The following RTTN variants were observed in gnomAD, a reference collection of about 807,000 sequenced individuals.
RTTN encodes the protein rotatin.
In RTTN, 182 loss-of-function variants were observed where a neutral mutation model predicts 269.2. The ratio of observed to expected loss-of-function variants is 0.68; its 90% CI spans 0.60 to 0.76. The LOEUF is 0.76. RTTN is among the 30% of genes least tolerant of loss of function. RTTN has a pLI of 0.00. For missense variants in RTTN, 2,545 were observed against 2,608.6 expected (o/e 0.98, Z 0.53); for synonymous variants, 1,006 against 963.5 (o/e 1.04, Z -0.82).
chr18:70,196,358 T>C (rs2061806380), intron 7 of RTTN, 143 bp downstream of exon 7: 2 of 605,304 alleles, frequency 3.3e-6, no homozygotes, highest in Non-Finnish European at 5.4e-6. Flanking sequence ...TCTGTAAAGA[T>C]AATCATTTGA....
chr18:70,168,786 G>T, intron 12 of RTTN, 69 bp downstream of exon 12: 1 of 1,187,204 alleles, frequency 8.4e-7, no homozygotes, highest in African/African-American at 1.5e-5. Flanking sequence ...CCATCAATTT[G>T]AAAAGTATAG....
chr18:70,141,078 C>T (rs1057301185), intron 19 of RTTN, among the ~76,000 whole-genome samples: 2 of 152,150 alleles, frequency 1.3e-5, no homozygotes, highest in Non-Finnish European at 2.9e-5. Context: ...TACTCTTTAA[C>T]GAGTTTTTCT....
intron 38 of RTTN, chr18:70,053,174 A>G (rs1206348042): frequency 3.3e-5 from 5 of 152,234 alleles, no homozygotes; most frequent in African/African-American, 1.2e-4. Flanking sequence ...CTCAACGTCA[A>G]TGCTTCTCAA....
chr18:70,035,728 G>T (rs2057152383), intron 40 of RTTN, among the ~76,000 whole-genome samples: 1 of 152,128 alleles, frequency 6.6e-6, no homozygotes, highest in African/African-American at 2.4e-5. Context: ...TTAAACTAAA[G>T]CGTGTCTGCA....
chr18:70,195,881 G>C (rs910785060), intron 7 of RTTN, among the ~76,000 whole-genome samples: 1 of 152,172 alleles, frequency 6.6e-6, no homozygotes, highest in African/African-American at 2.4e-5. Context: ...CACAGGATCA[G>C]TGAAACTCCC....
chr18:70,174,146 TTAAA>T (rs1568511513), intron 11 of RTTN, among the ~76,000 whole-genome samples: 2 of 48,490 alleles, frequency 4.1e-5, no homozygotes, highest in African/African-American at 7.6e-5. Context: ...ATATGAAAGT[TTAAA>T]AAAAAAAAAA....
At chr18:70,054,906 C>T (rs749943538) in intron 37 of RTTN, among the ~76,000 whole-genome samples, 6 of 151,862 alleles carry the variant, frequency 4.0e-5, no homozygotes, top group Non-Finnish European at 8.8e-5. Context: ...ATAACAAAGC[C>T]ATAAAGTCTA....
chr18:70,193,248 C>A, intron 8 of RTTN, 40 bp downstream of exon 8: 3 of 1,538,652 alleles, frequency 1.9e-6, no homozygotes, highest in Non-Finnish European at 2.6e-6. Flanking sequence ...ACAAGTTAAC[C>A]GGCATTTCTC....
At position 70,204,233 on chromosome 18, in the gene RTTN, C is replaced by T. The variant is rs527980203; in HGVS notation, c.250G>A (p.Val84Ile). Residue 84 changes from valine (V) to isoleucine (I), a missense_variant, in exon 3 of 49, where the codon GTT (valine) becomes ATT (isoleucine). Val to Ile is a conservative substitution (Grantham distance 29, BLOSUM62 3). Coordinates refer to ENST00000640769, the MANE Select transcript of RTTN (RefSeq NM_173630.4). ...YPPAVQHLVD[V>I]GAVEFLSKLR... ...TTAGATAAGAACTCTACTGCACCAA[C>T]GTCAACCAAATGTTGGACTGCTGGG... The T allele has an allele frequency of 1.9e-6, 3 of 1,612,496 alleles. No homozygotes were observed. The highest frequency in any genetic ancestry group is 1.3e-5 in the African/African-American group (1 of 74,960).
At chr18:70,169,568 G>A (rs537718326) in intron 11 of RTTN, among the ~76,000 whole-genome samples, 6 of 152,174 alleles carry the variant, frequency 3.9e-5, no homozygotes, top group South Asian at 2.1e-4. Flanking sequence ...GAACAGAAAC[G>A]AATTTTTTTC....
chr18:70,188,054 C>T (rs959678108), intron 10 of RTTN, 54 bp downstream of exon 10: 1 of 1,123,758 alleles, frequency 8.9e-7, no homozygotes. Context: ...TTAAAAGAAC[C>T]AAAATCTTAA....
chr18:70,145,637 T>A lies in RTTN; in HGVS notation c.2456A>T (p.Asp819Val). The change falls in exon 18 of 49, where the codon GAT becomes GTT. Residue 819 changes from aspartate to valine, a missense_variant. Transcript: ENST00000640769. The part of the protein sequence containing the change: ...IGKKPIELRL[D>V]DRRELVIKLE... ...CTTAATAACCAGCTCTCTTCTGTCA[T>A]CCAGTCTGAGTTCAATAGGTTTCTT... The A allele has an allele frequency of 6.2e-7, 1 of 1,608,784 alleles. No homozygotes were observed. The highest frequency in any genetic ancestry group is 8.5e-7 in the Non-Finnish European group (1 of 1,178,250).
intron 5 of RTTN, among the ~76,000 whole-genome samples, chr18:70,199,130 T>C (rs2061887850): frequency 6.6e-6 from 1 of 152,132 alleles, no homozygotes; most frequent in African/African-American, 2.4e-5. Flanking sequence ...GAGGTTGCAT[T>C]GAGCCAGATG....
At chr18:70,070,173 C>G (rs562099303) in intron 34 of RTTN, among the ~76,000 whole-genome samples, 1 of 152,354 alleles carries the variant, frequency 6.6e-6, no homozygotes, top group South Asian at 2.1e-4. Flanking sequence ...AGAGACAGAT[C>G]ATCACCACAA....
intron 4 of RTTN, among the ~76,000 whole-genome samples, chr18:70,200,418 G>A (rs1231748598): frequency 2.6e-5 from 4 of 152,122 alleles, no homozygotes; most frequent in African/African-American, 9.7e-5. Context: ...CCCCCTTAAT[G>A]TTTTCATCGG....
Position 70,205,662 on chromosome 18 carries a change from G to T in RTTN, c.-4C>A. ...TGATGAGCCCTGCCAGGACCATCTC[G>T]TCCCGTCAATCTGCAGCCGCCGGAG... On this transcript the variant is annotated 5_prime_UTR_variant, in exon 1 of 49. Coordinates refer to ENST00000640769, the MANE Select transcript of RTTN (RefSeq NM_173630.4). The T allele has an allele frequency of 6.2e-7, 1 of 1,614,072 alleles. No homozygotes were observed. Among genetic ancestry groups the T allele is most frequent in the Non-Finnish European group, 8.5e-7 (1 of 1,179,992 alleles).
intron 28 of RTTN, among the ~76,000 whole-genome samples, chr18:70,102,265 C>G (rs144913267): frequency 1.3e-5 from 2 of 152,134 alleles, no homozygotes; most frequent in Non-Finnish European, 2.9e-5. Flanking sequence ...TGCTCCTGTA[C>G]TGGGTGCATA....
At chr18:70,157,002 G>A (rs1313650373) in intron 14 of RTTN, among the ~76,000 whole-genome samples, 2 of 152,122 alleles carry the variant, frequency 1.3e-5, no homozygotes, top group Non-Finnish European at 1.5e-5. Context: ...CTCCCCAACA[G>A]CCACCCCATA....
intron 35 of RTTN, among the ~76,000 whole-genome samples, chr18:70,064,965 T>C (rs952938178): frequency 1.3e-5 from 2 of 152,036 alleles, no homozygotes; most frequent in African/African-American, 2.4e-5. Context: ...ATAATCTGAG[T>C]TTGCTCCTTT....
Sources: allele counts gnomAD v4.1 joint callset (sites outside exome capture counted in the v4.1 genomes callset), GRCh38; gene constraint gnomAD v4.1.1; transcripts MANE v1.5; gene names NCBI Gene and HGNC (gene_info 2026-07-23, HGNC 2026-07-21).